Variants in NOS1AP observed in about 807,000 individuals in gnomAD.
NOS1AP encodes the protein nitric oxide synthase 1 adaptor protein, also known as carboxyl-terminal PDZ ligand of neuronal nitric oxide synthase protein.
Under a neutral mutation model 56.2 loss-of-function variants are expected in NOS1AP, and 21 were observed. The observed-to-expected ratio is 0.37, with a 90% CI of 0.26 to 0.54. The LOEUF is 0.54. NOS1AP is among the 20% of genes least tolerant of loss of function. The pLI is 0.84. For missense variants in NOS1AP, 522 were observed against 657.8 expected, an observed-to-expected ratio of 0.79 and a Z score of 2.26; for synonymous variants, 270 against 274.6, an observed-to-expected ratio of 0.98 and a Z score of 0.17.
chr1:162,083,211 A>G (rs192183128), intron 1 of NOS1AP, among the ~76,000 whole-genome samples: 15 of 150,844 alleles, frequency 9.9e-5, no homozygotes, highest in African/African-American at 3.2e-4. Context: ...CTTTTTTTCT[A>G]TCTTGACTGT....
chr1:162,241,799 C>T (rs886526939), intron 2 of NOS1AP, among the ~76,000 whole-genome samples: 2 of 152,152 alleles, frequency 1.3e-5, no homozygotes, highest in African/African-American at 2.4e-5. Flanking sequence ...CAGATGTCAA[C>T]ATCAACAAAG....
At chr1:162,221,530 G>GCACACACACACACACA (rs1225944628) in intron 2 of NOS1AP, among the ~76,000 whole-genome samples, 3 of 62,488 alleles carry the variant, frequency 4.8e-5, no homozygotes, top group African/African-American at 1.1e-4. Context: ...GCACACACAC[G>GCACACACACACACACA]CGCGCACACA....
At chr1:162,118,834 T>C (rs1025030123) in intron 1 of NOS1AP, among the ~76,000 whole-genome samples, 1 of 152,184 alleles carries the variant, frequency 6.6e-6, no homozygotes, top group Admixed American at 6.5e-5. Context: ...ACATCTCTTT[T>C]GGACTCTGTG....
chr1:162,154,426 C>G lies in NOS1AP; in HGVS notation c.127C>G (p.Pro43Ala). 1 of 1,614,120 alleles carries G rather than the reference C, an allele frequency of 6.2e-7. No homozygotes were observed. Among genetic ancestry groups the G allele is most frequent in the Middle Eastern group, 1.7e-4 (1 of 6,060 alleles). The change falls in exon 2 of 10, where the codon CCA becomes GCA. Residue 43 changes from proline (P) to alanine (A), a missense_variant. This residue lies in a region of NOS1AP where 132 missense variants were observed against 218.1 expected (regional missense o/e 0.61). Transcript: ENST00000361897. ...ACAGTACGTAGGAAGCCTGGACGTG[C>G]CAAGGCCCAACAGCAGGGTGGAGAT... ...EAKYVGSLDVPRPNSRVEIVA... is the reference protein window; with the variant it reads ...EAKYVGSLDVARPNSRVEIVA...
At chr1:162,329,593 C>T (rs1304875708) in intron 4 of NOS1AP, among the ~76,000 whole-genome samples, 1 of 152,106 alleles carries the variant, frequency 6.6e-6, no homozygotes, top group African/African-American at 2.4e-5. Context: ...AAAGGGAAAT[C>T]TTTCCTATTC....
chr1:162,208,378 T>G (rs912990326), intron 2 of NOS1AP, among the ~76,000 whole-genome samples: 6 of 152,254 alleles, frequency 3.9e-5, no homozygotes, highest in Non-Finnish European at 8.8e-5. Context: ...CTTATTCATC[T>G]TTAATTCTTA....
intron 2 of NOS1AP, among the ~76,000 whole-genome samples, chr1:162,191,365 G>A (rs772274453): frequency 6.6e-6 from 1 of 152,098 alleles, no homozygotes; most frequent in Non-Finnish European, 1.5e-5. Flanking sequence ...TTTCCTGGGG[G>A]GGATCTTCCC....
chr1:162,315,144 A>G (rs999937828), intron 4 of NOS1AP, among the ~76,000 whole-genome samples: 4 of 152,230 alleles, frequency 2.6e-5, no homozygotes, highest in Non-Finnish European at 5.9e-5. Flanking sequence ...ATGTTGGCCT[A>G]GGGCCTGGGT....
At chr1:162,109,374 G>A (rs1412570308) in intron 1 of NOS1AP, among the ~76,000 whole-genome samples, 2 of 152,196 alleles carry the variant, frequency 1.3e-5, no homozygotes, top group African/African-American at 2.4e-5. Context: ...AGATGAGATA[G>A]CGTTGTGGCA....
chr1:162,192,794 C>A (rs1208347160), intron 2 of NOS1AP, among the ~76,000 whole-genome samples: 1 of 152,196 alleles, frequency 6.6e-6, no homozygotes, highest in African/African-American at 2.4e-5. Flanking sequence ...TTGCACCTTT[C>A]TGTGTGGATC....
intron 2 of NOS1AP, among the ~76,000 whole-genome samples, chr1:162,263,991 GCT>G (rs1298461495): frequency 1.3e-5 from 2 of 152,140 alleles, no homozygotes; most frequent in East Asian, 3.9e-4. Context: ...TCCAACTGCT[GCT>G]CTCTCCGTCT....
intron 2 of NOS1AP, among the ~76,000 whole-genome samples, chr1:162,187,647 T>C (rs1263334174): frequency 6.6e-6 from 1 of 152,104 alleles, no homozygotes; most frequent in African/African-American, 2.4e-5. Context: ...TACCACCCTC[T>C]CCAGTGTGTA....
intron 9 of NOS1AP, among the ~76,000 whole-genome samples, chr1:162,366,681 A>G (rs1259234975): frequency 6.6e-6 from 1 of 152,144 alleles, no homozygotes; most frequent in Non-Finnish European, 1.5e-5. Context: ...ACTCTGCTCT[A>G]TCCTAATTAA....
At chr1:162,285,344 C>T (rs758885738) in intron 2 of NOS1AP, among the ~76,000 whole-genome samples, 3 of 152,154 alleles carry the variant, frequency 2.0e-5, no homozygotes, top group Non-Finnish European at 4.4e-5. Flanking sequence ...AGCTGGTTCA[C>T]CTCTCAGTAG....
chr1:162,213,954 T>G (rs140117771), intron 2 of NOS1AP, among the ~76,000 whole-genome samples: 38 of 152,346 alleles, frequency 2.5e-4, no homozygotes, highest in African/African-American at 7.9e-4. Flanking sequence ...TCAAGCCTAT[T>G]TAATGAATAT....
chr1:162,184,145 G>A (rs766595369), intron 2 of NOS1AP, among the ~76,000 whole-genome samples: 2 of 152,164 alleles, frequency 1.3e-5, no homozygotes, highest in African/African-American at 2.4e-5. Flanking sequence ...TTGTGTCTCA[G>A]GGAATACAGA....
In NOS1AP at chr1:162,334,826, T is replaced by G. The variant is rs943856322; in HGVS notation, c.453+1701T>G. ...TTCACTTCCCAATTTTACCGATGAA[T>G]AAACTGAGGCTCAGAGAGGTTAAAT... On this transcript the variant is annotated intron_variant, in intron 5 of 9. Transcript: ENST00000361897. 5.3e-5 allele frequency among the ~76,000 whole-genome samples: 8 copies of G among 152,198 alleles called. No individual in the cohort carries two copies. The South Asian group carries it at 1.7e-3, about 31-fold the overall frequency.
At chr1:162,328,705 C>G (rs180851087) in intron 4 of NOS1AP, among the ~76,000 whole-genome samples, 14 of 152,356 alleles carry the variant, frequency 9.2e-5, no homozygotes, top group Admixed American at 3.9e-4. Context: ...GTCTGTCCCC[C>G]TCAGGGCCAG....
intron 2 of NOS1AP, among the ~76,000 whole-genome samples, chr1:162,243,774 G>C (rs1344042059): frequency 6.6e-6 from 1 of 152,188 alleles, no homozygotes; most frequent in Non-Finnish European, 1.5e-5. Context: ...GATGTTGGCT[G>C]TCTGTTCATT....
Sources: gnomAD v4.1 joint callset for allele counts (sites outside exome capture counted in the v4.1 genomes callset) on GRCh38, gnomAD v4.1.1 for gene constraint, gnomAD v4.1.1 regional missense constraint, MANE v1.5 for transcripts, NCBI Gene and HGNC (gene_info 2026-07-23, HGNC 2026-07-21) for gene names.